The following FECH variants were observed in gnomAD, a reference collection of about 807,000 sequenced individuals.
FECH encodes ferrochelatase.
Under a neutral mutation model 56.9 loss-of-function variants are expected in FECH, and 40 were observed. The observed-to-expected ratio is 0.70, with a 90% confidence interval of 0.55 to 0.92. The LOEUF is 0.92. FECH is among the 40% of genes least tolerant of loss of function. The probability of loss-of-function intolerance (pLI) is 0.00; values close to 1 mark genes in which losing one functional copy is unlikely to be tolerated. For missense variants in FECH, 431 were observed against 529.1 expected, an observed-to-expected ratio of 0.81 and a Z score of 1.82; for synonymous variants, 175 against 198.6, an observed-to-expected ratio of 0.88 and a Z score of 1.00.
intron 7 of FECH, 103 bp from the exon 8 acceptor site, chr18:57,555,055 C>G: frequency 1.2e-6 from 1 of 863,800 alleles, no homozygotes; most frequent in Non-Finnish European, 1.9e-6. Flanking sequence ...CAAAGCCCTC[C>G]CTTTCTGTCT....
Position 57,586,617 on chromosome 18 carries a change from G to C in FECH, c.4C>G (p.Arg2Gly), listed in dbSNP as rs1207266548. The C allele has an allele frequency of 2.6e-6, 4 of 1,519,600 alleles. No homozygotes were observed. The highest frequency in any genetic ancestry group is 3.5e-6 in the Non-Finnish European group (4 of 1,140,236). The allele number at this position is 1,519,600 out of a possible 1,614,324, so 94.1% of individuals were successfully genotyped here. The change falls in exon 1 of 11, where the codon CGT (arginine) becomes GGT (glycine). Residue 2 changes from arginine (R) to glycine (G), a missense_variant. Physicochemically the swap from Arg to Gly is moderately radical, Grantham distance 125. Coordinates refer to ENST00000262093, the MANE Select transcript of FECH (RefSeq NM_000140.5). ...GCAGCCATGTTTGCGCCGAGTGAAC[G>C]CATTGCCTGGGCAGCCTCGGCCCGA... M[R>G]SLGANMAAAL... is the part of the protein sequence containing the mutation.
At chr18:57,579,291 G>A (rs377408857) in intron 2 of FECH, among the ~76,000 whole-genome samples, 11 of 105,012 alleles carry the variant, frequency 1.0e-4, no homozygotes, top group South Asian at 2.6e-4. Flanking sequence ...GTGTATATAT[G>A]TGTGTGTGTG....
At chr18:57,584,097 T>C (rs2051327570) in intron 1 of FECH, among the ~76,000 whole-genome samples, 1 of 151,630 alleles carries the variant, frequency 6.6e-6, no homozygotes, top group South Asian at 2.1e-4. Flanking sequence ...GGATAATCCC[T>C]TGAACCTGGG....
At chr18:57,572,959 TA>T (rs2051135865) in intron 3 of FECH, 2 of 420,048 alleles carry the variant, frequency 4.8e-6, no homozygotes, top group East Asian at 4.9e-5. Context: ...CAAGTACAAA[TA>T]TATCTTTAAA....
chr18:57,576,714 A>G (rs1341070432), intron 2 of FECH, among the ~76,000 whole-genome samples: 1 of 152,242 alleles, frequency 6.6e-6, no homozygotes, highest in Non-Finnish European at 1.5e-5. Context: ...TACACATGAA[A>G]GAGATGCACA....
chr18:57,559,171 A>G lies in FECH; in HGVS notation c.778T>C (p.Phe260Leu). The G allele has an allele frequency of 5.0e-6, 8 of 1,613,586 alleles. No individual in the cohort carries two copies. The highest frequency in any genetic ancestry group is 6.8e-6 in the Non-Finnish European group (8 of 1,179,562). ...LEKRSEVVILFSAHSLPMSVV... is the reference protein window; with the variant it reads ...LEKRSEVVILLSAHSLPMSVV... ...GACATGGGCAGTGAGTGAGCAGAAA[A>G]CAGAATGACCACCTCGCTTCTCTTC... Residue 260 changes from phenylalanine to leucine, a missense_variant, in exon 7 of 11, where the codon TTT (phenylalanine) becomes CTT (leucine). Transcript: ENST00000262093.
rs937138282 is a variant in FECH at position 57,546,909 on chromosome 18, G to A, written c.*3803C>T. 6.7e-6 allele frequency among the ~76,000 whole-genome samples: 1 copy of A among 149,928 alleles called. No homozygotes were observed. The highest frequency in any genetic ancestry group is 6.7e-5 in the Admixed American group (1 of 15,012). ...CAAGAGGCGGAGGTTGCAGTGAGCCGAGATCGTGCCACTGTACTCCAGCTT... is the reference window on the plus strand; with the variant it reads ...CAAGAGGCGGAGGTTGCAGTGAGCCAAGATCGTGCCACTGTACTCCAGCTT... On this transcript the variant is annotated 3_prime_UTR_variant, in exon 11 of 11. Transcript: ENST00000262093.
intron 6 of FECH, among the ~76,000 whole-genome samples, chr18:57,559,854 C>T (rs1368488295): frequency 6.6e-6 from 1 of 152,200 alleles, no homozygotes; most frequent in East Asian, 1.9e-4. Context: ...CTTAGGGGCC[C>T]ATTCAGTCAC....
At chr18:57,583,070 C>A (rs1308396113) in intron 1 of FECH, among the ~76,000 whole-genome samples, 1 of 152,162 alleles carries the variant, frequency 6.6e-6, no homozygotes, top group Non-Finnish European at 1.5e-5. Context: ...TCACCAGATT[C>A]TCAGAGAGGA....
rs1260732538 is a variant in FECH at position 57,582,921 on chromosome 18, AAAG to A, written c.68-2725_68-2723del. 4.6e-5 allele frequency among the ~76,000 whole-genome samples: 7 copies of A among 152,128 alleles called. No homozygotes were observed. The East Asian group carries it at 5.8e-4, about 13-fold the overall frequency. ...AGTGAGACTCCATCTCAAAAAAAAA[AAAG>A]AAGAAGGAAGCGGTGGGGAGGGACT... is the stretch of plus-strand genomic sequence containing the variant. On this transcript the variant is annotated intron_variant, in intron 1 of 10. Transcript: ENST00000262093.
chr18:57,582,763 A>C (rs189524696), intron 1 of FECH, among the ~76,000 whole-genome samples: 3 of 151,786 alleles, frequency 2.0e-5, no homozygotes, highest in African/African-American at 7.2e-5. Context: ...AATACAAAAA[A>C]AAAAAAAAAA....
Position 57,573,273 on chromosome 18 carries a change from C to G in FECH, c.287G>C (p.Arg96Pro). ...HDFLLRLFLDRDLMTLPIQNK... is the reference protein window; with the variant it reads ...HDFLLRLFLDPDLMTLPIQNK... The stretch of plus-strand genomic sequence containing the variant: ...CTGAATAGGAAGTGTCATGAGGTCT[C>G]GGTCCAAGAAGAGTCTCAGAAGGAA... The change falls in exon 3 of 11, where the codon CGA becomes CCA. Residue 96 changes from arginine to proline, a missense_variant. Arg to Pro is a moderately radical substitution (Grantham distance 103). Coordinates refer to ENST00000262093, the MANE Select transcript of FECH (RefSeq NM_000140.5). The G allele has an allele frequency of 6.2e-7, 1 of 1,613,560 alleles. No individual in the cohort carries two copies. The highest frequency in any genetic ancestry group is 8.5e-7 in the Non-Finnish European group (1 of 1,179,516).
intron 4 of FECH, among the ~76,000 whole-genome samples, chr18:57,568,796 AT>A (rs1298750265): frequency 6.6e-6 from 1 of 152,234 alleles, no homozygotes; most frequent in Non-Finnish European, 1.5e-5. Flanking sequence ...TTTGTACATG[AT>A]TTTTTGAAAG....
chr18:57,545,097 G>A lies in FECH; in HGVS notation c.*5615C>T, dbSNP rs927527237. ...AAGCTTTGACCCGCAGGGGAGACTG[G>A]AGAGGGGAAGTTGGCCTGTCTGTTC... On this transcript the variant is annotated 3_prime_UTR_variant, in exon 11 of 11. Transcript: ENST00000262093. 6.6e-6 allele frequency among the ~76,000 whole-genome samples: 1 copy of A among 152,206 alleles called. No homozygotes were observed. Among genetic ancestry groups the A allele is most frequent in the Admixed American group, 6.5e-5 (1 of 15,282 alleles).
intron 6 of FECH, among the ~76,000 whole-genome samples, chr18:57,560,599 T>C (rs2050931810): frequency 6.6e-6 from 1 of 152,210 alleles, no homozygotes; most frequent in African/African-American, 2.4e-5. Flanking sequence ...TGCAGTGAGC[T>C]ATGATCGTTC....
At position 57,546,292 on chromosome 18, in the gene FECH, G is replaced by A. The variant is rs1367979127; in HGVS notation, c.*4420C>T. On this transcript the variant is annotated 3_prime_UTR_variant, in exon 11 of 11. Coordinates refer to ENST00000262093, the MANE Select transcript of FECH (RefSeq NM_000140.5). The stretch of plus-strand genomic sequence containing the variant: ...CACACATAGACGTTCGCTTACAGCT[G>A]CCAGCTTTAAATTCTGCCTTCCCGC... Among the ~76,000 whole-genome samples the A allele has an allele frequency of 6.6e-6, 1 of 152,190 alleles. No homozygotes were observed.
chr18:57,553,146 T>C (rs1160631537), intron 9 of FECH, among the ~76,000 whole-genome samples: 1 of 152,126 alleles, frequency 6.6e-6, no homozygotes, highest in Non-Finnish European at 1.5e-5. Context: ...TTCACTGAAG[T>C]TTTAGCAAGT....
intron 2 of FECH, among the ~76,000 whole-genome samples, chr18:57,574,969 C>T (rs548610571): frequency 6.6e-6 from 1 of 152,288 alleles, no homozygotes; most frequent in African/African-American, 2.4e-5. Flanking sequence ...TCTTCGTATC[C>T]ATTAAAGCCA....
chr18:57,565,889 A>G (rs2051009437), intron 5 of FECH, among the ~76,000 whole-genome samples: 2 of 152,242 alleles, frequency 1.3e-5, no homozygotes, highest in Non-Finnish European at 2.9e-5. Context: ...AGCTCCAGTT[A>G]AATATACAGA....
Sources: allele counts gnomAD v4.1 joint callset (sites outside exome capture counted in the v4.1 genomes callset), GRCh38; gene constraint gnomAD v4.1.1; transcripts MANE v1.5; gene names NCBI Gene and HGNC (gene_info 2026-07-23, HGNC 2026-07-21).